Variants in NLRP2 observed in about 807,000 individuals in gnomAD.
NLRP2 encodes the protein NLR family pyrin domain containing 2.
NLRP2 carries 107 observed loss-of-function variants against 97.2 expected under a neutral mutation model. That is an observed-to-expected ratio of 1.10 (90% CI 0.94 to 1.29). The LOEUF is 1.29. Among genes scored for constraint, NLRP2 ranks in the 50% most tolerant of loss-of-function variants. NLRP2 has a pLI of 0.00. For synonymous variants in NLRP2, 663 were observed against 551.5 expected, an observed-to-expected ratio of 1.20 and a Z score of -2.83; for missense variants, 1,495 against 1,330.3, an observed-to-expected ratio of 1.12 and a Z score of -1.93.
At chr19:54,991,794 G>C (rs564622986) in intron 10 of NLRP2, among the ~76,000 whole-genome samples, 1 of 150,314 alleles carries the variant, frequency 6.7e-6, no homozygotes, top group African/African-American at 2.4e-5. Flanking sequence ...GCTTGAAGTC[G>C]GGAGGTTGCA....
At chr19:54,971,922 G>A (rs1012081233) in intron 2 of NLRP2, among the ~76,000 whole-genome samples, 14 of 151,746 alleles carry the variant, frequency 9.2e-5, no homozygotes, top group Admixed American at 5.3e-4. Context: ...TCCGCCTCCC[G>A]GGTTCAAGCG....
At chr19:54,984,343 T>TTTTTTTTTTTTTTTTA (rs2071895215) in intron 6 of NLRP2, among the ~76,000 whole-genome samples, 1 of 136,492 alleles carries the variant, frequency 7.3e-6, no homozygotes, top group Non-Finnish European at 1.5e-5. Context: ...TTTTTTTTTT[T>TTTTTTTTTTTTTTTTA]TTTTTTTTTG....
intron 2 of NLRP2, among the ~76,000 whole-genome samples, chr19:54,970,770 C>CAT (rs2070792807): frequency 9.2e-6 from 1 of 108,474 alleles, no homozygotes; most frequent in Non-Finnish European, 1.9e-5. Flanking sequence ...CTACCTACTT[C>CAT]TTTTTTTTTT....
Position 54,982,424 on chromosome 19 carries a change from G to A in NLRP2, c.726G>A (p.Ala242=), listed in dbSNP as rs773654809. The A allele has an allele frequency of 8.1e-6, 13 of 1,613,996 alleles. No homozygotes were observed. Among genetic ancestry groups the A allele is most frequent in the African/African-American group, 1.3e-5 (1 of 74,912 alleles). Residue 242 remains alanine, a synonymous_variant, in exon 6 of 13, where the codon GCG becomes GCA. Coordinates refer to ENST00000448584, the MANE Select transcript of NLRP2 (RefSeq NM_017852.5). ...EDNLIHKFKY[A]FYLSCRELSR... ...ACCTCATCCACAAATTCAAATATGCGTTCTACCTCAGCTGCAGGGAGCTCA... is the reference window on the plus strand; with the variant it reads ...ACCTCATCCACAAATTCAAATATGCATTCTACCTCAGCTGCAGGGAGCTCA...
chr19:54,996,404 G>A (rs1041885949), intron 11 of NLRP2, among the ~76,000 whole-genome samples: 1 of 151,968 alleles, frequency 6.6e-6, no homozygotes, highest in Non-Finnish European at 1.5e-5. Flanking sequence ...CATCTACTTG[G>A]AGGCACGAGA....
At chr19:54,990,738 A>C (rs930133443) in intron 10 of NLRP2, 66 bp downstream of exon 10, 20 of 1,545,780 alleles carry the variant, frequency 1.3e-5, no homozygotes, top group Non-Finnish European at 1.6e-5. Context: ...TCCGGGTTTG[A>C]GTAGGGTGGT....
chr19:54,996,528 T>C lies in NLRP2; in HGVS notation c.2880-789T>C, dbSNP rs73609939. On this transcript the variant is annotated intron_variant, in intron 11 of 12. Transcript: ENST00000448584. ...AGAATAACTTCAAAGATGGAAGTTA[T>C]TTAACCTCTCTGCTCAAAAGCCTCA... 9.2e-3 allele frequency among the ~76,000 whole-genome samples: 1,393 copies of C among 152,184 alleles called. 16 individuals are homozygous for C. Among genetic ancestry groups the C allele is most frequent in the African/African-American group, 0.032 (1,326 of 41,504 alleles).
intron 2 of NLRP2, chr19:54,973,671 G>A (rs1251654192): frequency 8.0e-6 from 3 of 374,078 alleles, no homozygotes; most frequent in Admixed American, 3.5e-5. Flanking sequence ...ACCATGCCCG[G>A]CCAAGGGTTT....
At chr19:54,970,334 G>A (rs1165913055) in intron 2 of NLRP2, 39 bp downstream of exon 2, 4 of 1,610,824 alleles carry the variant, frequency 2.5e-6, no homozygotes, top group Non-Finnish European at 2.5e-6. Context: ...CTAGGAGGAA[G>A]CAGGCGTCCT....
chr19:54,969,473 G>A (rs1319879051), intron 1 of NLRP2, among the ~76,000 whole-genome samples: 10 of 114,782 alleles, frequency 8.7e-5, no homozygotes, highest in Non-Finnish European at 1.5e-4. Flanking sequence ...GTGAGACTCC[G>A]TCTCAAAAAA....
intron 2 of NLRP2, chr19:54,974,140 G>A: frequency 1.5e-6 from 1 of 649,976 alleles, no homozygotes; most frequent in Non-Finnish European, 2.8e-6. Context: ...CGGATCACAA[G>A]GTCAGGAGTC....
chr19:54,992,864 A>G (rs1427368621), intron 10 of NLRP2, among the ~76,000 whole-genome samples: 1 of 151,724 alleles, frequency 6.6e-6, no homozygotes, highest in African/African-American at 2.4e-5. Context: ...GGCCCCCTCA[A>G]TTCAACTTTT....
At chr19:54,979,630 C>T (rs2071448552) in intron 4 of NLRP2, among the ~76,000 whole-genome samples, 1 of 152,080 alleles carries the variant, frequency 6.6e-6, no homozygotes. Flanking sequence ...GGATTACAGG[C>T]ATGAGCCACC....
At chr19:54,973,060 A>G (rs979047229) in intron 2 of NLRP2, among the ~76,000 whole-genome samples, 55 of 151,978 alleles carry the variant, frequency 3.6e-4, no homozygotes, top group Non-Finnish European at 5.4e-4. Flanking sequence ...GCGTGGTGGC[A>G]CACTCCTGTA....
Position 54,982,527 on chromosome 19 carries a change from C to G in NLRP2, c.829C>G (p.Leu277Val), listed in dbSNP as rs1373495961. 6.2e-7 allele frequency: 1 copy of G among 1,614,230 alleles called. No individual in the cohort carries two copies. The highest frequency in any genetic ancestry group is 8.5e-7 in the Non-Finnish European group (1 of 1,180,050). The change falls in exon 6 of 13, where the codon CTA becomes GTA. Residue 277 changes from leucine (L) to valine (V), a missense_variant. Coordinates refer to ENST00000448584, the MANE Select transcript of NLRP2 (RefSeq NM_017852.5). ...ATTGCAGGATGACATTCCACACATC[C>G]TAGCCCAAGCACGGAAAATCTTGTT... Reference protein sequence around the residue: ...PELQDDIPHILAQARKILFVI... With the variant: ...PELQDDIPHIVAQARKILFVI...
rs144821238 is a variant in NLRP2 at position 54,977,818 on chromosome 19, C to T, written c.392C>T (p.Ala131Val). 872 of 1,613,638 alleles carry T rather than the reference C, an allele frequency of 5.4e-4. 13 individuals carry two copies. The East Asian group carries it at 0.019, about 35-fold the overall frequency. Residue 131 changes from alanine (A) to valine (V), a missense_variant, in exon 4 of 13, where the codon GCA becomes GTA. Physicochemically the swap from Ala to Val is moderately conservative, Grantham distance 64. Coordinates refer to ENST00000448584, the MANE Select transcript of NLRP2 (RefSeq NM_017852.5). ...ATGCTGGAGCGCTTCAAAACAGAAG[C>T]ACAAGGTGGGTGTCAGGACCTCCAA... ...DEMLERFKTE[A>V]QAFTETKGNV... is the part of the protein sequence containing the mutation.
intron 10 of NLRP2, among the ~76,000 whole-genome samples, chr19:54,992,537 TTGGG>T (rs1034743024): frequency 3.2e-4 from 15 of 47,464 alleles, no homozygotes; most frequent in Non-Finnish European, 4.9e-4. Flanking sequence ...TGGTATTTTT[TTGGG>T]GGGGGGGGGG....
At chr19:54,987,185 C>T (rs763274628) in intron 8 of NLRP2, among the ~76,000 whole-genome samples, 19 of 151,336 alleles carry the variant, frequency 1.3e-4, no homozygotes, top group East Asian at 1.9e-4. Flanking sequence ...CATGAGCCAC[C>T]GTGCCCAGCC....
At chr19:54,992,455 GACTC>G (rs1008984890) in intron 10 of NLRP2, among the ~76,000 whole-genome samples, 2 of 144,924 alleles carry the variant, frequency 1.4e-5, no homozygotes, top group Admixed American at 6.9e-5. Context: ...AGATGTCACC[GACTC>G]ACTAACTGTA....
Sources: allele counts gnomAD v4.1 joint callset (sites outside exome capture counted in the v4.1 genomes callset), GRCh38; gene constraint gnomAD v4.1.1; transcripts MANE v1.5; gene names NCBI Gene and HGNC (gene_info 2026-07-23, HGNC 2026-07-21).